Variants in B3GNT5 observed in about 807,000 individuals in gnomAD.
B3GNT5 encodes the protein lactosylceramide 1,3-N-acetyl-beta-D-glucosaminyltransferase.
B3GNT5 carries 11 observed loss-of-function variants against 25.9 expected under a neutral mutation model. The ratio of observed to expected loss-of-function variants is 0.42; its 90% confidence interval spans 0.27 to 0.70. B3GNT5 has a LOEUF of 0.70. Ranked by LOEUF, B3GNT5 falls within the 30% of genes least tolerant of loss-of-function variation. The pLI, the probability that B3GNT5 is intolerant of heterozygous loss-of-function variation, is 0.23. For synonymous variants in B3GNT5, 166 were observed against 158.6 expected (o/e 1.05, Z -0.35); for missense variants, 385 against 458.4 (o/e 0.84, Z 1.46).
intron 1 of B3GNT5, among the ~76,000 whole-genome samples, chr3:183,260,497 CT>C (rs1043082558): frequency 9.9e-5 from 15 of 152,122 alleles, no homozygotes; most frequent in African/African-American, 3.6e-4. Context: ...TATATGTCAG[CT>C]TTTTTATTTG....
intron 1 of B3GNT5, among the ~76,000 whole-genome samples, chr3:183,260,402 G>A (rs1346339525): frequency 6.6e-6 from 1 of 152,164 alleles, no homozygotes; most frequent in African/African-American, 2.4e-5. Flanking sequence ...AAGCAACCGT[G>A]TCAGCCCAAA....
At position 183,270,678 on chromosome 3, in the gene B3GNT5, G is replaced by A; in HGVS notation, c.880G>A (p.Gly294Arg). 6.2e-7 allele frequency: 1 copy of A among 1,614,102 alleles called. No homozygotes were observed. The highest frequency in any genetic ancestry group is 8.5e-7 in the Non-Finnish European group (1 of 1,180,016). Reference protein sequence around the residue: ...VFMGLCANKIGIVPQDHVFFS... With the variant: ...VFMGLCANKIRIVPQDHVFFS... ...CATGGGCCTCTGTGCCAATAAAATA[G>A]GGATAGTACCGCAGGACCATGTGTT... The change falls in exon 2 of 2, where the codon GGG becomes AGG. Residue 294 changes from glycine to arginine, a missense_variant. Physicochemically the swap from Gly to Arg is moderately radical, Grantham distance 125 (BLOSUM62 -2). Transcript: ENST00000326505. The surrounding 1 kb of genome is among the most constrained non-coding windows in gnomAD (Gnocchi z 4.5).
intron 1 of B3GNT5, chr3:183,265,229 A>T (rs973355053): frequency 2.0e-5 from 3 of 152,242 alleles, no homozygotes; most frequent in Non-Finnish European, 4.4e-5. Flanking sequence ...ATCTGGCCCC[A>T]AACAGGGGTA....
In B3GNT5 at chr3:183,271,627, G is replaced by T. The variant is rs1726790127; in HGVS notation, c.*692G>T. On this transcript the variant is annotated 3_prime_UTR_variant, in exon 2 of 2. Coordinates refer to ENST00000326505, the MANE Select transcript of B3GNT5 (RefSeq NM_032047.5). The stretch of plus-strand genomic sequence containing the variant: ...CCCTAATACTTTATATGTTTTTAAT[G>T]GATTTTTTTTTAAGTATTAGAAAAT... 1 of 166,716 alleles carries T rather than the reference G, an allele frequency of 6.0e-6. No homozygotes were observed. The highest frequency in any genetic ancestry group is 2.4e-5 in the African/African-American group (1 of 41,270). The allele number at this position is 166,716 out of a possible 1,614,324, so 10.3% of individuals were successfully genotyped here.
chr3:183,261,939 A>T (rs1161889749), intron 1 of B3GNT5, among the ~76,000 whole-genome samples: 1 of 145,334 alleles, frequency 6.9e-6, no homozygotes, highest in Non-Finnish European at 1.5e-5. Flanking sequence ...CAACCGTTTT[A>T]GGAGGTTTTC....
chr3:183,261,023 T>C (rs1194762006), intron 1 of B3GNT5, among the ~76,000 whole-genome samples: 1 of 152,224 alleles, frequency 6.6e-6, no homozygotes, highest in African/African-American at 2.4e-5. Flanking sequence ...AGGTCTTATA[T>C]TGGAAATGTA....
chr3:183,269,989 T>A lies in B3GNT5; in HGVS notation c.191T>A (p.Leu64His). Residue 64 changes from leucine (L) to histidine (H), a missense_variant, in exon 2 of 2, where the codon CTT (leucine) becomes CAT (histidine). Coordinates refer to ENST00000326505, the MANE Select transcript of B3GNT5 (RefSeq NM_032047.5). The part of the protein sequence containing the change: ...SYDFVNDTLS[L>H]KHTSAGPRYQ... ...GACTTTGTGAATGATACCCTGTCTCTTAAGCACACCTCAGCGGGGCCTCGC... is the reference window on the plus strand; with the variant it reads ...GACTTTGTGAATGATACCCTGTCTCATAAGCACACCTCAGCGGGGCCTCGC... 1 of 1,614,198 alleles carries A rather than the reference T, an allele frequency of 6.2e-7. No individual in the cohort carries two copies.
In B3GNT5 at chr3:183,272,481, A is replaced by C. The variant is rs1358888981; in HGVS notation, c.*1546A>C. The stretch of plus-strand genomic sequence containing the variant: ...TACACAACTGAATGATGATACTTAC[A>C]ATTTTTAGCAGGTAGCTTTTTAATG... On this transcript the variant is annotated 3_prime_UTR_variant, in exon 2 of 2. Transcript: ENST00000326505. 1.0e-6 allele frequency: 1 copy of C among 998,756 alleles called. No homozygotes were observed. Among genetic ancestry groups the C allele is most frequent in the East Asian group, 1.1e-4 (1 of 8,812 alleles). The allele number at this position is 998,756 out of a possible 1,614,324, so 61.9% of individuals were successfully genotyped here. A position where few individuals can be genotyped will look rare whatever the true frequency, so the allele number is the denominator to read the frequency against.
At chr3:183,265,704 C>T (rs954215925) in intron 1 of B3GNT5, 9 of 152,214 alleles carry the variant, frequency 5.9e-5, no homozygotes, top group African/African-American at 2.2e-4. Context: ...ACAAGTGAAG[C>T]TGTGTAATAC....
At position 183,273,269 on chromosome 3, in the gene B3GNT5, G is replaced by C; in HGVS notation, c.*2334G>C. The stretch of plus-strand genomic sequence containing the variant: ...TTGGTTTGCATCTTTTTTCCATATT[G>C]TTAATTTTATACCAAAATGTTAAAT... On this transcript the variant is annotated 3_prime_UTR_variant, in exon 2 of 2. Coordinates refer to ENST00000326505, the MANE Select transcript of B3GNT5 (RefSeq NM_032047.5). 2.9e-6 allele frequency: 1 copy of C among 347,048 alleles called. No individual in the cohort carries two copies. Among genetic ancestry groups the C allele is most frequent in the Non-Finnish European group, 5.4e-6 (1 of 184,714 alleles). 21.5% of individuals were successfully genotyped at this position (347,048 alleles called of 1,614,324 possible). A position where few individuals can be genotyped will look rare whatever the true frequency, so the allele number is the denominator to read the frequency against.
At chr3:183,259,542 C>G (rs898775744) in intron 1 of B3GNT5, among the ~76,000 whole-genome samples, 2 of 152,168 alleles carry the variant, frequency 1.3e-5, no homozygotes, top group African/African-American at 4.8e-5. Context: ...TGCCTTTACA[C>G]ATGAAAACGG....
intron 1 of B3GNT5, among the ~76,000 whole-genome samples, chr3:183,262,647 G>C (rs1006310970): frequency 1.3e-5 from 2 of 151,720 alleles, no homozygotes; most frequent in African/African-American, 4.9e-5. Context: ...CAGAAGGGGA[G>C]GAGGAGCTGA....
intron 1 of B3GNT5, among the ~76,000 whole-genome samples, chr3:183,256,294 G>C (rs1171558575): frequency 6.6e-6 from 1 of 152,148 alleles, no homozygotes; most frequent in Non-Finnish European, 1.5e-5. Flanking sequence ...ATCTCTGTGA[G>C]CGAAGATGTA....
chr3:183,272,204 T>TA lies in B3GNT5; in HGVS notation c.*1270dup. 1 of 999,984 alleles carries TA rather than the reference T, an allele frequency of 1.0e-6. No individual in the cohort carries two copies. Among genetic ancestry groups the TA allele is most frequent in the Non-Finnish European group, 1.2e-6 (1 of 829,930 alleles). The allele number at this position is 999,984 out of a possible 1,614,324, so 61.9% of individuals were successfully genotyped here. ...GTGTCTGAGATCTAATAGAGTAAGT[T>TA]ACATTTATTTTACAAAGCAGGATAA... On this transcript the variant is annotated 3_prime_UTR_variant, in exon 2 of 2. Transcript: ENST00000326505.
In B3GNT5 at chr3:183,269,688, C is replaced by G. The variant is rs1726550467; in HGVS notation, c.-111C>G. 5.3e-6 allele frequency: 5 copies of G among 950,206 alleles called. No homozygotes were observed. Among genetic ancestry groups the G allele is most frequent in the Admixed American group, 2.7e-5 (1 of 37,372 alleles). The allele number at this position is 950,206 out of a possible 1,614,324, so 58.9% of individuals were successfully genotyped here. ...ATAAGAAGACTTCCATTTTTAATGACCAACATGTATTAAGATGGACACCTA... is the reference window on the plus strand; with the variant it reads ...ATAAGAAGACTTCCATTTTTAATGAGCAACATGTATTAAGATGGACACCTA... On this transcript the variant is annotated 5_prime_UTR_variant, in exon 2 of 2. Coordinates refer to ENST00000326505, the MANE Select transcript of B3GNT5 (RefSeq NM_032047.5).
chr3:183,265,855 A>T (rs1726066259), intron 1 of B3GNT5: 1 of 152,226 alleles, frequency 6.6e-6, no homozygotes, highest in African/African-American at 2.4e-5. Context: ...TGGCTAAAAA[A>T]TTCAAACTAC....
In B3GNT5 at chr3:183,270,098, C is replaced by G. The variant is rs1375941496; in HGVS notation, c.300C>G (p.Asn100Lys). 1.9e-6 allele frequency: 3 copies of G among 1,614,150 alleles called. No homozygotes were observed. Among genetic ancestry groups the G allele is most frequent in the Non-Finnish European group, 2.5e-6 (3 of 1,180,048 alleles). The change falls in exon 2 of 2, where the codon AAC (asparagine) becomes AAG (lysine). Residue 100 changes from asparagine (N) to lysine (K), a missense_variant. Coordinates refer to ENST00000326505, the MANE Select transcript of B3GNT5 (RefSeq NM_032047.5). This position sits in a 1 kb window ranked among gnomAD's most constrained non-coding sequence, Gnocchi z 4.5. ...TGTTTGTAAAAACTGCTCCTGAAAACTATGATCGACGTTCCGGAATTAGAA... is the reference window on the plus strand; with the variant it reads ...TGTTTGTAAAAACTGCTCCTGAAAAGTATGATCGACGTTCCGGAATTAGAA... ...LLLFVKTAPENYDRRSGIRRT... is the reference protein window; with the variant it reads ...LLLFVKTAPEKYDRRSGIRRT...
At position 183,258,070 on chromosome 3, in the gene B3GNT5, C is replaced by T. The variant is rs528401866; in HGVS notation, c.-302+4598C>T. 7.6e-5 allele frequency among the ~76,000 whole-genome samples: 11 copies of T among 144,264 alleles called. No individual in the cohort carries two copies. In the South Asian group the frequency reaches 1.4e-3, roughly 18 times the overall value. The allele number at this position is 144,264 out of a possible 152,430, so 94.6% of individuals were successfully genotyped here. A position where few individuals can be genotyped will look rare whatever the true frequency, so the allele number is the denominator to read the frequency against. ...GCAACCTCCGCCTCCTGGGTTCAAGCGATTCTCCTGCTTCAGCCTCCCGAG... is the reference window on the plus strand; with the variant it reads ...GCAACCTCCGCCTCCTGGGTTCAAGTGATTCTCCTGCTTCAGCCTCCCGAG... On this transcript the variant is annotated intron_variant, in intron 1 of 1. Coordinates refer to ENST00000326505, the MANE Select transcript of B3GNT5 (RefSeq NM_032047.5).
chr3:183,265,161 T>G (rs1459573306), intron 1 of B3GNT5: 1 of 152,252 alleles, frequency 6.6e-6, no homozygotes, highest in Non-Finnish European at 1.5e-5. Flanking sequence ...CATCCCTGAT[T>G]TGCAGATTAA....
Sources: allele counts gnomAD v4.1 joint callset (sites outside exome capture counted in the v4.1 genomes callset), GRCh38; gene constraint gnomAD v4.1.1; non-coding constraint Gnocchi (gnomAD v3.1); transcripts MANE v1.5; gene names NCBI Gene and HGNC (gene_info 2026-07-23, HGNC 2026-07-21).